RCL1: variants seen among roughly 807,000 people sequenced by gnomAD.
RCL1 encodes the protein RNA 3'-terminal phosphate cyclase-like protein.
RCL1 carries 24 observed loss-of-function variants against 42.4 expected under a neutral mutation model. The ratio of observed to expected loss-of-function variants is 0.57; its 90% CI spans 0.41 to 0.80. RCL1 has a LOEUF of 0.80. RCL1 is among the 30% of genes least tolerant of loss of function. The pLI is 0.00. For synonymous variants in RCL1, 228 were observed against 177.3 expected, an observed-to-expected ratio of 1.29 and a Z score of -2.27; for missense variants, 578 against 467.9, an observed-to-expected ratio of 1.24 and a Z score of -2.17.
intron 4 of RCL1, 142 bp from the exon 5 acceptor site, chr9:4,833,998 TC>T: frequency 1.1e-6 from 1 of 870,760 alleles, no homozygotes; most frequent in Non-Finnish European, 1.7e-6. Flanking sequence ...GTGCTGTTGG[TC>T]TTGAAGGGAA....
intron 1 of RCL1, among the ~76,000 whole-genome samples, chr9:4,817,038 C>T (rs1447626888): frequency 6.6e-6 from 1 of 152,176 alleles, no homozygotes; most frequent in Non-Finnish European, 1.5e-5. Flanking sequence ...AGGATGGTCT[C>T]AATCTCCTGA....
chr9:4,819,676 A>G (rs554869939), intron 1 of RCL1, among the ~76,000 whole-genome samples: 90 of 152,256 alleles, frequency 5.9e-4, no homozygotes, highest in Middle Eastern at 3.4e-3. Flanking sequence ...GCGTGGTGGC[A>G]CGCGCCTGTA....
In RCL1 at chr9:4,834,247, A is replaced by C; in HGVS notation, c.566A>C (p.Lys189Thr). The C allele has an allele frequency of 6.2e-7, 1 of 1,612,896 alleles. No individual in the cohort carries two copies. The highest frequency in any genetic ancestry group is 2.2e-5 in the East Asian group (1 of 44,842). The stretch of plus-strand genomic sequence containing the variant: ...CAACTCACAGATCCAGGAAAAATCA[A>C]ACGTATTAGAGGAATGGCGTATCCT... ...PIQLTDPGKI[K>T]RIRGMAYSVR... Residue 189 changes from lysine to threonine, a missense_variant, in exon 5 of 9, where the codon AAA (lysine) becomes ACA (threonine). By Grantham distance (78) the Lys-to-Thr change is moderately conservative. Coordinates refer to ENST00000381750, the MANE Select transcript of RCL1 (RefSeq NM_005772.5).
At chr9:4,858,058 T>A (rs1818023738) in intron 8 of RCL1, among the ~76,000 whole-genome samples, 1 of 151,766 alleles carries the variant, frequency 6.6e-6, no homozygotes, top group Non-Finnish European at 1.5e-5. Context: ...TTTAAAACAA[T>A]TTTTTTGTAG....
At chr9:4,806,873 A>C (rs1416102700) in intron 1 of RCL1, among the ~76,000 whole-genome samples, 1 of 152,174 alleles carries the variant, frequency 6.6e-6, no homozygotes, top group African/African-American at 2.4e-5. Flanking sequence ...ATATGGGCCA[A>C]GAGATTTCTT....
intron 1 of RCL1, among the ~76,000 whole-genome samples, chr9:4,816,198 C>T (rs1256517141): frequency 6.6e-6 from 1 of 152,036 alleles, no homozygotes; most frequent in Non-Finnish European, 1.5e-5. Flanking sequence ...ATTTTTCTGT[C>T]TTTTTCTTAT....
At chr9:4,830,929 G>A (rs768466395) in intron 3 of RCL1, among the ~76,000 whole-genome samples, 5 of 152,114 alleles carry the variant, frequency 3.3e-5, no homozygotes, top group Non-Finnish European at 5.9e-5. Context: ...AGAGTGGACC[G>A]ATCACTTTCC....
At chr9:4,821,761 C>G (rs1456507903) in intron 1 of RCL1, among the ~76,000 whole-genome samples, 1 of 152,164 alleles carries the variant, frequency 6.6e-6, no homozygotes, top group Non-Finnish European at 1.5e-5. Context: ...ACTACAGATA[C>G]ACACCATGGC....
intron 1 of RCL1, among the ~76,000 whole-genome samples, chr9:4,808,035 G>C (rs1381859274): frequency 1.3e-5 from 2 of 151,958 alleles, no homozygotes; most frequent in African/African-American, 4.8e-5. Flanking sequence ...CTCTTGTTGG[G>C]TGGAGTGCTC....
At chr9:4,808,596 A>G (rs1357304733) in intron 1 of RCL1, among the ~76,000 whole-genome samples, 2 of 152,240 alleles carry the variant, frequency 1.3e-5, no homozygotes, top group Non-Finnish European at 2.9e-5. Context: ...GGCGTGAACC[A>G]CTGTCTAGTA....
chr9:4,815,868 G>A (rs796191665), intron 1 of RCL1, among the ~76,000 whole-genome samples: 1 of 152,200 alleles, frequency 6.6e-6, no homozygotes, highest in African/African-American at 2.4e-5. Flanking sequence ...GGGATCGCTA[G>A]GATCCTCTTC....
rs75133909 is a variant in RCL1, at chr9:4,860,618, C to T, written c.*343C>T. 0.029 allele frequency: 6,167 copies of T among 216,378 alleles called. 405 individuals carry two copies. Among genetic ancestry groups the T allele is most frequent in the African/African-American group, 0.14 (5,856 of 42,830 alleles). The allele number at this position is 216,378 out of a possible 1,614,324, so 13.4% of individuals were successfully genotyped here. A position where few individuals can be genotyped will look rare whatever the true frequency, so the allele number is the denominator to read the frequency against. ...CTCAGCCTACTATCATAGGCTTCCT[C>T]AGCCCTCTGTCATATGGCTGTTTTG... is the stretch of plus-strand genomic sequence containing the variant. On this transcript the variant is annotated 3_prime_UTR_variant, in exon 9 of 9. Transcript: ENST00000381750.
intron 3 of RCL1, among the ~76,000 whole-genome samples, chr9:4,829,217 G>A (rs1445797130): frequency 1.3e-5 from 2 of 152,214 alleles, no homozygotes; most frequent in Admixed American, 6.5e-5. Flanking sequence ...ATCAGAATCA[G>A]TCTGGGTTTT....
At chr9:4,807,595 C>T (rs529143451) in intron 1 of RCL1, among the ~76,000 whole-genome samples, 1 of 152,312 alleles carries the variant, frequency 6.6e-6, no homozygotes, top group African/African-American at 2.4e-5. Flanking sequence ...TCTCAGCTCA[C>T]CACAACCTTC....
chr9:4,808,401 G>T (rs1816055730), intron 1 of RCL1, among the ~76,000 whole-genome samples: 1 of 151,706 alleles, frequency 6.6e-6, no homozygotes, highest in Non-Finnish European at 1.5e-5. Flanking sequence ...TCCACCTCCT[G>T]GGCTCAAGTG....
intron 7 of RCL1, 55 bp from the exon 8 acceptor site, chr9:4,849,392 T>A: frequency 7.3e-7 from 1 of 1,376,182 alleles, no homozygotes; most frequent in South Asian, 1.2e-5. Context: ...TTTCCTCCTC[T>A]CTTTTGTTGG....
At chr9:4,817,916 T>C (rs1816445670) in intron 1 of RCL1, among the ~76,000 whole-genome samples, 1 of 54,802 alleles carries the variant, frequency 1.8e-5, no homozygotes, top group African/African-American at 4.2e-5. Context: ...TCTAAGATTT[T>C]TTTTTTTTTT....
intron 1 of RCL1, among the ~76,000 whole-genome samples, chr9:4,820,526 T>C (rs947682788): frequency 6.6e-6 from 1 of 152,218 alleles, no homozygotes; most frequent in East Asian, 1.9e-4. Context: ...TGTTTGTGTG[T>C]AAGAGTCCGT....
chr9:4,837,114 G>T (rs1194602266), intron 5 of RCL1, among the ~76,000 whole-genome samples: 1 of 152,154 alleles, frequency 6.6e-6, no homozygotes, highest in Non-Finnish European at 1.5e-5. Flanking sequence ...CTGGAATAAG[G>T]TTAATTAGGT....
Sources: gnomAD v4.1 joint callset for allele counts (sites outside exome capture counted in the v4.1 genomes callset) on GRCh38, gnomAD v4.1.1 for gene constraint, MANE v1.5 for transcripts, NCBI Gene and HGNC (gene_info 2026-07-23, HGNC 2026-07-21) for gene names.